BPIFB2: variants seen among roughly 807,000 people sequenced by gnomAD.
BPIFB2 encodes the protein BPI fold containing family B member 2, also known as BPI fold-containing family B member 2.
A neutral mutation model predicts 50.1 loss-of-function variants in BPIFB2; 39 were observed. The ratio of observed to expected loss-of-function variants is 0.78; its 90% CI spans 0.60 to 1.02. The LOEUF (loss-of-function observed/expected upper bound fraction) is 1.02, where lower values mean the gene tolerates loss of function less well. Ranked by LOEUF, BPIFB2 falls within the 50% of genes least tolerant of loss-of-function variation. The pLI is 0.00. For synonymous variants in BPIFB2, 280 were observed against 256.3 expected (o/e 1.09, Z -0.88); for missense variants, 574 against 585.8 (o/e 0.98, Z 0.21).
intron 2 of BPIFB2, 108 bp from the exon 3 acceptor site, chr20:33,010,916 A>C (rs1422164692): frequency 4.2e-6 from 4 of 949,348 alleles, no homozygotes; most frequent in Non-Finnish European, 6.6e-6. Context: ...TACCCCTTCC[A>C]GTCTGAGTAC....
At chr20:33,019,858 T>C in intron 11 of BPIFB2, 108 bp downstream of exon 11, 1 of 1,324,160 alleles carries the variant, frequency 7.6e-7, no homozygotes, top group South Asian at 1.6e-5. Flanking sequence ...TCTTCGCTGT[T>C]CCTTGAATGT....
chr20:33,008,024 A>G (rs1453770355), intron 1 of BPIFB2, among the ~76,000 whole-genome samples: 1 of 152,150 alleles, frequency 6.6e-6, no homozygotes, highest in African/African-American at 2.4e-5. Flanking sequence ...GATGGGGGCC[A>G]TGTGAGAGGC....
intron 11 of BPIFB2, 63 bp downstream of exon 11, chr20:33,019,813 A>C: frequency 6.7e-7 from 1 of 1,484,880 alleles, no homozygotes; most frequent in Non-Finnish European, 9.1e-7. Context: ...TCCCTGCTTC[A>C]CTGTCCCCTC....
intron 6 of BPIFB2, 145 bp downstream of exon 6, chr20:33,015,641 C>T (rs1177251262): frequency 1.5e-5 from 11 of 743,638 alleles, no homozygotes; most frequent in Non-Finnish European, 1.0e-5. Flanking sequence ...CCCATGAAGG[C>T]AGGGAAAAGG....
At chr20:33,021,461 C>T in intron 14 of BPIFB2, 117 bp downstream of exon 14, 1 of 1,200,766 alleles carries the variant, frequency 8.3e-7, no homozygotes, top group Non-Finnish European at 1.2e-6. Flanking sequence ...TGAGAGGGGG[C>T]CTCTGGAGTC....
intron 15 of BPIFB2, among the ~76,000 whole-genome samples, chr20:33,022,175 T>C (rs1476897835): frequency 6.6e-6 from 1 of 152,188 alleles, no homozygotes; most frequent in Non-Finnish European, 1.5e-5. Flanking sequence ...TAAAATTGCT[T>C]TCCCTGGACC....
At position 33,019,337 on chromosome 20, in the gene BPIFB2, T is replaced by C. The variant is rs116000343; in HGVS notation, c.909+222T>C. Among the ~76,000 whole-genome samples the C allele has an allele frequency of 6.6e-3, 1,004 of 152,250 alleles. 14 individuals are homozygous for C. Among genetic ancestry groups the C allele is most frequent in the African/African-American group, 0.023 (958 of 41,534 alleles). Reference sequence around the variant, plus strand: ...GCAGTGTCTGCTGTTTGGAATGTCTTTCTCCTCCCTTTCCCTTATCCTTCT... The same window carrying C: ...GCAGTGTCTGCTGTTTGGAATGTCTCTCTCCTCCCTTTCCCTTATCCTTCT... On this transcript the variant is annotated intron_variant, in intron 10 of 15. Coordinates refer to ENST00000170150, the MANE Select transcript of BPIFB2 (RefSeq NM_025227.3).
intron 15 of BPIFB2, among the ~76,000 whole-genome samples, chr20:33,022,833 G>A (rs931700280): frequency 6.6e-6 from 1 of 152,188 alleles, no homozygotes; most frequent in African/African-American, 2.4e-5. Flanking sequence ...CCTAGGCTAC[G>A]AGCTACACTG....
intron 11 of BPIFB2, among the ~76,000 whole-genome samples, 164 bp downstream of exon 11, chr20:33,019,914 G>A (rs576800215): frequency 2.6e-5 from 4 of 152,244 alleles, no homozygotes; most frequent in East Asian, 3.9e-4. Flanking sequence ...CTGAGCCCTC[G>A]GCCTAGGACT....
intron 2 of BPIFB2, among the ~76,000 whole-genome samples, chr20:33,010,681 T>C (rs1028098405): frequency 2.0e-5 from 3 of 151,956 alleles, no homozygotes; most frequent in Non-Finnish European, 2.9e-5. Context: ...CCCCTTCTGC[T>C]TGGGAACTTA....
Position 33,012,862 on chromosome 20 carries a change from G to T in BPIFB2, c.263G>T (p.Gly88Val). ...RLHLKFIAGFGVRLLAAANFT... is the reference protein window; with the variant it reads ...RLHLKFIAGFVVRLLAAANFT... ...CACCTGAAATTCATTGCTGGTTTCGGAGTGCGCCTGCTGGCAGCAGCTAAT... is the reference window on the plus strand; with the variant it reads ...CACCTGAAATTCATTGCTGGTTTCGTAGTGCGCCTGCTGGCAGCAGCTAAT... Residue 88 changes from glycine (G) to valine (V), a missense_variant, in exon 4 of 16, where the codon GGA (glycine) becomes GTA (valine). Transcript: ENST00000170150. 2 of 1,614,068 alleles carry T rather than the reference G, an allele frequency of 1.2e-6. No individual in the cohort carries two copies. The highest frequency in any genetic ancestry group is 2.2e-5 in the East Asian group (1 of 44,878).
intron 8 of BPIFB2, 83 bp downstream of exon 8, chr20:33,018,433 G>A (rs1978515276): frequency 7.2e-7 from 1 of 1,384,936 alleles, no homozygotes; most frequent in East Asian, 2.3e-5. Context: ...TAAAGGAGCG[G>A]GGGAGTGGGA....
intron 5 of BPIFB2, among the ~76,000 whole-genome samples, chr20:33,014,880 C>A (rs892793803): frequency 3.3e-5 from 5 of 152,228 alleles, no homozygotes; most frequent in Non-Finnish European, 7.3e-5. Context: ...AACACAGAGG[C>A]CACCCTCCCA....
At chr20:33,012,452 A>G (rs936624216) in intron 3 of BPIFB2, among the ~76,000 whole-genome samples, 2 of 152,178 alleles carry the variant, frequency 1.3e-5, no homozygotes, top group African/African-American at 4.8e-5. Context: ...ATTGACTAGG[A>G]TACCAGAGAG....
Position 33,023,683 on chromosome 20 carries a change from A to G in BPIFB2, c.*300A>G. On this transcript the variant is annotated 3_prime_UTR_variant, in exon 16 of 16. Transcript: ENST00000170150. ...GTATAGACCTGCCCTCTTGCATTAA[A>G]CAACTTCTCTTGAGCTGCAACTTTC... 2.1e-6 allele frequency: 1 copy of G among 477,090 alleles called. No homozygotes were observed. Among genetic ancestry groups the G allele is most frequent in the Non-Finnish European group, 3.8e-6 (1 of 262,626 alleles). The allele number at this position is 477,090 out of a possible 1,614,324, so 29.6% of individuals were successfully genotyped here.
At position 33,018,307 on chromosome 20, in the gene BPIFB2, G is replaced by T; in HGVS notation, c.626G>T (p.Ser209Ile). ...PESQIRYSMV[S>I]VPTVTSDYIS... ...TCCCAGATCCGCTATTCCATGGTCA[G>T]TGTGCCCACTGTCACCAGTGACTAC... Residue 209 changes from serine to isoleucine, a missense_variant, in exon 8 of 16, where the codon AGT (serine) becomes ATT (isoleucine). By Grantham distance (142) the Ser-to-Ile change is moderately radical. Transcript: ENST00000170150. 1 of 1,614,128 alleles carries T rather than the reference G, an allele frequency of 6.2e-7. No individual in the cohort carries two copies. The highest frequency in any genetic ancestry group is 1.7e-5 in the Admixed American group (1 of 60,022).
At chr20:33,011,187 T>C in intron 3 of BPIFB2, 70 bp downstream of exon 3, 1 of 1,466,976 alleles carries the variant, frequency 6.8e-7, no homozygotes, top group Non-Finnish European at 9.5e-7. Context: ...GCCAGGTGGG[T>C]GCTTCAGTCC....
chr20:33,020,726 G>C (rs1978632739), intron 13 of BPIFB2, 139 bp downstream of exon 13: 1 of 985,236 alleles, frequency 1.0e-6, no homozygotes, highest in African/African-American at 1.6e-5. Flanking sequence ...CGGGCTGCTT[G>C]GGGACAGTGG....
intron 5 of BPIFB2, among the ~76,000 whole-genome samples, chr20:33,014,485 G>C (rs1176918157): frequency 6.6e-6 from 1 of 152,242 alleles, no homozygotes; most frequent in Non-Finnish European, 1.5e-5. Flanking sequence ...TAGGTGTTAA[G>C]TATTTCCTGC....
Sources: gnomAD v4.1 joint callset for allele counts (sites outside exome capture counted in the v4.1 genomes callset) on GRCh38, gnomAD v4.1.1 for gene constraint, MANE v1.5 for transcripts, NCBI Gene and HGNC (gene_info 2026-07-23, HGNC 2026-07-21) for gene names.